The following ADCY9 variants were observed in gnomAD, a reference collection of about 807,000 sequenced individuals.
ADCY9 encodes the protein adenylate cyclase type 9.
In ADCY9, 50 loss-of-function variants were observed where a neutral mutation model predicts 101.5. The ratio of observed to expected loss-of-function variants is 0.49; its 90% CI spans 0.39 to 0.62. The LOEUF (loss-of-function observed/expected upper bound fraction) is 0.62, where lower values mean the gene tolerates loss of function less well. ADCY9 is among the 20% of genes least tolerant of loss of function. The pLI is 0.00. For synonymous variants in ADCY9, 905 were observed against 769.3 expected (o/e 1.18, Z -2.92); for missense variants, 1,662 against 1,800.4 (o/e 0.92, Z 1.39).
chr16:4,043,761 A>C (rs992021625), intron 2 of ADCY9, among the ~76,000 whole-genome samples: 1 of 152,142 alleles, frequency 6.6e-6, no homozygotes, highest in Non-Finnish European at 1.5e-5. Flanking sequence ...TGCTGGAATG[A>C]GTATATCCAG....
intron 2 of ADCY9, among the ~76,000 whole-genome samples, chr16:4,023,050 C>CA (rs1408508782): frequency 6.6e-6 from 1 of 152,124 alleles, no homozygotes; most frequent in African/African-American, 2.4e-5. Context: ...GGTCCATCTG[C>CA]AAACAGCGTG....
chr16:4,087,985 G>C (rs575086946), intron 2 of ADCY9, among the ~76,000 whole-genome samples: 5 of 150,474 alleles, frequency 3.3e-5, no homozygotes, highest in Non-Finnish European at 7.4e-5. Context: ...ACCCAGGCTG[G>C]TGTGCAGCAG....
intron 2 of ADCY9, among the ~76,000 whole-genome samples, chr16:4,026,717 G>C (rs943626778): frequency 6.6e-6 from 1 of 152,132 alleles, no homozygotes; most frequent in African/African-American, 2.4e-5. Flanking sequence ...AATAGCTCTA[G>C]ACTAAGTGGA....
At chr16:4,045,869 CTTTTTTTT>C (rs56804050) in intron 2 of ADCY9, among the ~76,000 whole-genome samples, 23 of 78,912 alleles carry the variant, frequency 2.9e-4, no homozygotes, top group Non-Finnish European at 4.7e-4. Flanking sequence ...TTTTTTCTTT[CTTTTTTTT>C]TTTTTTTTTT....
At chr16:4,041,419 A>T (rs938948191) in intron 2 of ADCY9, among the ~76,000 whole-genome samples, 1 of 150,882 alleles carries the variant, frequency 6.6e-6, no homozygotes, top group African/African-American at 2.4e-5. Context: ...CAGGAGGATC[A>T]CTTAAACCCA....
downstream of ADCY9, among the ~76,000 whole-genome samples, chr16:3,958,209 G>C (rs557853082): frequency 9.2e-5 from 14 of 152,158 alleles, no homozygotes; most frequent in Middle Eastern, 3.4e-3. Context: ...GGACCCTCCC[G>C]CCAGGACCCC....
intron 2 of ADCY9, among the ~76,000 whole-genome samples, chr16:4,042,604 G>C (rs1422884470): frequency 6.6e-6 from 1 of 152,096 alleles, no homozygotes; most frequent in Non-Finnish European, 1.5e-5. Context: ...ATATTTCCTA[G>C]TGACTAGGAT....
intron 2 of ADCY9, among the ~76,000 whole-genome samples, chr16:4,103,951 G>A (rs981101659): frequency 2.0e-5 from 3 of 152,172 alleles, no homozygotes; most frequent in South Asian, 4.1e-4. Flanking sequence ...TGAGAAGCAC[G>A]CCTACGACGA....
In ADCY9 at chr16:3,965,649, C is replaced by T; in HGVS notation, c.*126G>A. On this transcript the variant is annotated 3_prime_UTR_variant, in exon 11 of 11. Coordinates refer to ENST00000294016, the MANE Select transcript of ADCY9 (RefSeq NM_001116.4). ...ACTGTGATCCACACAGAAGTTAGGGCTGAAATGACCACATAACACCACGTC... is the reference window on the plus strand; with the variant it reads ...ACTGTGATCCACACAGAAGTTAGGGTTGAAATGACCACATAACACCACGTC... 1.2e-6 allele frequency: 1 copy of T among 806,800 alleles called. No individual in the cohort carries two copies. The highest frequency in any genetic ancestry group is 1.9e-6 in the Non-Finnish European group (1 of 516,262). The allele number at this position is 806,800 out of a possible 1,614,324, so 50.0% of individuals were successfully genotyped here.
chr16:4,063,711 C>CA (rs372170652), intron 2 of ADCY9, among the ~76,000 whole-genome samples: 18,632 of 129,472 alleles, frequency 0.14, 1,470 homozygotes, highest in Non-Finnish European at 0.2. Context: ...GATCATGTCT[C>CA]AAAAAAAAAA....
chr16:3,998,810 A>C, intron 3 of ADCY9, among the ~76,000 whole-genome samples: 1 of 140,268 alleles, frequency 7.1e-6, no homozygotes. Context: ...AAAAAAGAGA[A>C]ATCCATCTAC....
intron 2 of ADCY9, among the ~76,000 whole-genome samples, chr16:4,017,411 G>C (rs1323225438): frequency 6.7e-6 from 1 of 149,860 alleles, no homozygotes; most frequent in Non-Finnish European, 1.5e-5. Flanking sequence ...TTGGGAGGCC[G>C]AGGCGGGGGG....
rs1399447473 is a variant in ADCY9, at chr16:4,075,349, G to C, written c.1693+38401C>G. Among the ~76,000 whole-genome samples, 4 of 152,234 alleles carry C rather than the reference G, an allele frequency of 2.6e-5. No homozygotes were observed. The East Asian group carries it at 5.8e-4, about 22-fold the overall frequency. On this transcript the variant is annotated intron_variant, in intron 2 of 10. Coordinates refer to ENST00000294016, the MANE Select transcript of ADCY9 (RefSeq NM_001116.4). ...AGATGGGGTTTTGCCATGTTGGCCA[G>C]GCTAGTCTCGAACTCCTGACCTCTG... is the stretch of plus-strand genomic sequence containing the variant.
Position 4,094,633 on chromosome 16 carries a change from GA to G in ADCY9, c.1693+19116del, listed in dbSNP as rs971410213. Among the ~76,000 whole-genome samples, 110 of 136,282 alleles carry G rather than the reference GA, an allele frequency of 8.1e-4. 1 individual carries two copies. The Middle Eastern group carries it at 0.019, about 23-fold the overall frequency. 89.4% of individuals were successfully genotyped at this position (136,282 alleles called of 152,430 possible). On this transcript the variant is annotated intron_variant, in intron 2 of 10. Transcript: ENST00000294016. ...ACAGCAAGACCCCCATCTCTAATAA[GA>G]AAAAAAAAAGGGAGAAGAAAGAAAA...
intron 5 of ADCY9, among the ~76,000 whole-genome samples, chr16:3,954,934 G>T (rs905920236): frequency 6.6e-6 from 1 of 152,112 alleles, no homozygotes; most frequent in Non-Finnish European, 1.5e-5. Context: ...TAGCGTACTA[G>T]AACATGCTAG....
chr16:4,048,909 C>G (rs1387881103), intron 2 of ADCY9, among the ~76,000 whole-genome samples: 1 of 152,164 alleles, frequency 6.6e-6, no homozygotes, highest in African/African-American at 2.4e-5. Context: ...TCAAGCAAAA[C>G]CCCTGGTCTC....
intron 2 of ADCY9, among the ~76,000 whole-genome samples, chr16:4,035,353 A>G (rs2056582197): frequency 6.6e-6 from 1 of 152,236 alleles, no homozygotes; most frequent in Non-Finnish European, 1.5e-5. Context: ...TTATATCTTA[A>G]TAATTACTTA....
At chr16:4,110,199 G>C (rs1319150764) in intron 2 of ADCY9, among the ~76,000 whole-genome samples, 1 of 152,182 alleles carries the variant, frequency 6.6e-6, no homozygotes, top group Non-Finnish European at 1.5e-5. Flanking sequence ...GAGCCCAAGA[G>C]GGTTCTTGGC....
chr16:4,001,730 G>A (rs2056332064), intron 3 of ADCY9, among the ~76,000 whole-genome samples: 1 of 138,600 alleles, frequency 7.2e-6, no homozygotes, highest in Non-Finnish European at 1.5e-5. Flanking sequence ...TATAGTTTTT[G>A]TAGAGATGGT....
Sources: gnomAD v4.1 joint callset for allele counts (sites outside exome capture counted in the v4.1 genomes callset) on GRCh38, gnomAD v4.1.1 for gene constraint, MANE v1.5 for transcripts, NCBI Gene and HGNC (gene_info 2026-07-23, HGNC 2026-07-21) for gene names.